The following MIPEP variants were observed in gnomAD, a reference collection of about 807,000 sequenced individuals.
The protein encoded by MIPEP is mitochondrial intermediate peptidase.
A neutral mutation model predicts 90.3 loss-of-function variants in MIPEP; 79 were observed. The observed-to-expected ratio is 0.87, with a 90% CI of 0.73 to 1.05. The LOEUF (loss-of-function observed/expected upper bound fraction) is 1.05. MIPEP is among the 50% of genes least tolerant of loss of function. MIPEP has a pLI of 0.00. For missense variants in MIPEP, 940 were observed against 905.6 expected (o/e 1.04, Z -0.49); for synonymous variants, 334 against 315.8 (o/e 1.06, Z -0.61).
rs1452426463 is a variant in MIPEP at position 23,843,334 on chromosome 13, C to T, written c.1107-1846G>A. The stretch of plus-strand genomic sequence containing the variant: ...GAGTCTGGAAAAGGCAGGCAGGGGC[C>T]AGAAAACAGAGGGCCTGGTCCACTA... On this transcript the variant is annotated intron_variant, in intron 10 of 18. Coordinates refer to ENST00000382172, the MANE Select transcript of MIPEP (RefSeq NM_005932.4). Among the ~76,000 whole-genome samples, 4 of 151,998 alleles carry T rather than the reference C, an allele frequency of 2.6e-5. No individual in the cohort carries two copies. The East Asian group carries it at 7.7e-4, about 29-fold the overall frequency.
intron 14 of MIPEP, among the ~76,000 whole-genome samples, chr13:23,811,101 A>G (rs1214179151): frequency 6.6e-6 from 1 of 152,224 alleles, no homozygotes; most frequent in African/African-American, 2.4e-5. Flanking sequence ...AGGATTTTTA[A>G]CAGTCAAGAT....
chr13:23,814,070 A>G (rs1212189618), intron 14 of MIPEP, among the ~76,000 whole-genome samples: 12 of 152,220 alleles, frequency 7.9e-5, no homozygotes, highest in Non-Finnish European at 1.8e-4. Context: ...AAAATTTACC[A>G]AAGTCTGAGG....
chr13:23,839,306 G>A (rs1466580233), intron 12 of MIPEP, among the ~76,000 whole-genome samples: 2 of 152,176 alleles, frequency 1.3e-5, no homozygotes, highest in African/African-American at 4.8e-5. Context: ...TCCTCATAAT[G>A]TGAGTAACTA....
At chr13:23,801,038 G>T (rs1046360944) in intron 16 of MIPEP, among the ~76,000 whole-genome samples, 6 of 152,132 alleles carry the variant, frequency 3.9e-5, no homozygotes, top group Non-Finnish European at 5.9e-5. Flanking sequence ...ACCTAAATTT[G>T]TATCAACTCC....
chr13:23,737,733 G>A (rs1314314796), intron 18 of MIPEP, among the ~76,000 whole-genome samples: 2 of 152,168 alleles, frequency 1.3e-5, no homozygotes, highest in African/African-American at 2.4e-5. Flanking sequence ...ATGATTGAGA[G>A]CAATTGGTTG....
At chr13:23,746,784 T>C (rs2138497572) in intron 18 of MIPEP, among the ~76,000 whole-genome samples, 1 of 152,238 alleles carries the variant, frequency 6.6e-6, no homozygotes. Flanking sequence ...ACTGACATCA[T>C]CTAAAAATGG....
At chr13:23,795,599 G>A (rs986841570) in intron 16 of MIPEP, among the ~76,000 whole-genome samples, 1 of 151,960 alleles carries the variant, frequency 6.6e-6, no homozygotes, top group African/African-American at 2.4e-5. Context: ...TAAAATTAAC[G>A]CTTTTAAGGT....
chr13:23,834,774 G>C (rs1298756983), intron 14 of MIPEP, among the ~76,000 whole-genome samples: 11 of 152,122 alleles, frequency 7.2e-5, no homozygotes, highest in African/African-American at 2.7e-4. Flanking sequence ...AAGCACCTCA[G>C]GCAGGGAGCA....
rs111644325 is a variant in MIPEP, at chr13:23,874,540, A to G, written c.603+306T>C. 9.2e-3 allele frequency among the ~76,000 whole-genome samples: 1,394 copies of G among 152,322 alleles called. 17 individuals carry two copies. Among genetic ancestry groups the G allele is most frequent in the African/African-American group, 0.032 (1,311 of 41,576 alleles). ...TGTACTACCAATCTTCAATGACATC[A>G]GCTTTCCCATTCACTTGCCAGTCTT... On this transcript the variant is annotated intron_variant, in intron 5 of 18. Coordinates refer to ENST00000382172, the MANE Select transcript of MIPEP (RefSeq NM_005932.4).
Position 23,862,261 on chromosome 13 carries a change from AGACT to A in MIPEP, c.1053+37_1053+40del, listed in dbSNP as rs747181108. ...TCAAAAGATATTGATTTCAGTTGAC[AGACT>A]GTCTATATTATAATAAAAATATTCC... On this transcript the variant is annotated intron_variant, in intron 9 of 18. Transcript: ENST00000382172. 12 of 1,178,624 alleles carry A rather than the reference AGACT, an allele frequency of 1.0e-5. No homozygotes were observed. The East Asian group carries it at 2.0e-4, about 20-fold the overall frequency. The allele number at this position is 1,178,624 out of a possible 1,614,324, so 73.0% of individuals were successfully genotyped here. A position where few individuals can be genotyped will look rare whatever the true frequency, so the allele number is the denominator to read the frequency against.
In MIPEP at chr13:23,758,035, T is replaced by C. The variant is rs1038680266; in HGVS notation, c.1971-1417A>G. On this transcript the variant is annotated intron_variant, in intron 17 of 18. Transcript: ENST00000382172. ...ATCAGACTTTTTGATAGCATTACAG[T>C]ATCAAAAACATGCTGACATCAAACA... Among the ~76,000 whole-genome samples the C allele has an allele frequency of 3.9e-5, 6 of 152,266 alleles. No individual in the cohort carries two copies. In the South Asian group the frequency reaches 1.2e-3, roughly 32 times the overall value.
At position 23,850,917 on chromosome 13, in the gene MIPEP, C is replaced by T. The variant is rs189549345; in HGVS notation, c.1106+7943G>A. ...TCGTGAGAGAGGATCCAGGTTAGCC[C>T]TGGAACAGGGAGGAATGAAAACCTA... On this transcript the variant is annotated intron_variant, in intron 10 of 18. Transcript: ENST00000382172. 3.0e-4 allele frequency among the ~76,000 whole-genome samples: 45 copies of T among 152,336 alleles called. 1 individual carries two copies. Among genetic ancestry groups the T allele is most frequent in the Admixed American group, 2.1e-3 (32 of 15,300 alleles).
intron 18 of MIPEP, among the ~76,000 whole-genome samples, chr13:23,734,324 C>G (rs1952237149): frequency 6.6e-6 from 1 of 152,184 alleles, no homozygotes; most frequent in African/African-American, 2.4e-5. Flanking sequence ...CCACGTGTGT[C>G]CGTGTCCTTG....
At chr13:23,762,677 G>A (rs144937676) in intron 16 of MIPEP, among the ~76,000 whole-genome samples, 2,191 of 152,322 alleles carry the variant, frequency 0.014, 29 homozygotes, top group Non-Finnish European at 0.02. Context: ...AGAAGTGTGG[G>A]CCTGTAATGG....
At chr13:23,805,644 C>T (rs912919769) in intron 16 of MIPEP, among the ~76,000 whole-genome samples, 1 of 152,152 alleles carries the variant, frequency 6.6e-6, no homozygotes, top group Non-Finnish European at 1.5e-5. Flanking sequence ...ATTCATCTTA[C>T]ATCACTATTT....
At chr13:23,856,514 G>C (rs1413121393) in intron 10 of MIPEP, among the ~76,000 whole-genome samples, 1 of 152,184 alleles carries the variant, frequency 6.6e-6, no homozygotes, top group African/African-American at 2.4e-5. Context: ...TTAAGGGGTG[G>C]GTTAATGCAA....
At chr13:23,829,478 C>G (rs892226665) in intron 14 of MIPEP, among the ~76,000 whole-genome samples, 2 of 151,242 alleles carry the variant, frequency 1.3e-5, no homozygotes, top group African/African-American at 2.4e-5. Context: ...TTGATAAATC[C>G]AACAATATTA....
intron 5 of MIPEP, among the ~76,000 whole-genome samples, chr13:23,873,033 A>T (rs9510920): frequency 0.047 from 7,155 of 152,346 alleles, 233 homozygotes; most frequent in Middle Eastern, 0.071. Context: ...TAACAGCATC[A>T]TCATCAACAA....
intron 16 of MIPEP, among the ~76,000 whole-genome samples, chr13:23,795,428 C>T (rs1202004564): frequency 6.6e-6 from 1 of 152,084 alleles, no homozygotes; most frequent in Admixed American, 6.6e-5. Flanking sequence ...CCAAAGCAAC[C>T]CTAAGATTTC....
Sources: allele counts gnomAD v4.1 joint callset (sites outside exome capture counted in the v4.1 genomes callset), GRCh38; gene constraint gnomAD v4.1.1; transcripts MANE v1.5; gene names NCBI Gene and HGNC (gene_info 2026-07-23, HGNC 2026-07-21).